TRDN: variants seen among roughly 807,000 people sequenced by gnomAD.
The protein encoded by TRDN is triadin, also known as triadin in skeletal muscle.
In TRDN, 161 loss-of-function variants were observed where a neutral mutation model predicts 149.7. The ratio of observed to expected loss-of-function variants is 1.08; its 90% CI spans 0.95 to 1.23. The LOEUF (loss-of-function observed/expected upper bound fraction) is 1.23. Ranked by LOEUF, TRDN falls within the 50% of genes most tolerant of loss-of-function variation. The probability of loss-of-function intolerance (pLI) is 0.00; values close to 1 mark genes in which losing one functional copy is unlikely to be tolerated. For missense variants in TRDN, 896 were observed against 823.5 expected, an observed-to-expected ratio of 1.09 and a Z score of -1.08; for synonymous variants, 294 against 250.5, an observed-to-expected ratio of 1.17 and a Z score of -1.64.
rs528882157 is a variant in TRDN, at chr6:123,404,545, T to G, written c.1052-10868A>C. Among the ~76,000 whole-genome samples, 73 of 152,272 alleles carry G rather than the reference T, an allele frequency of 4.8e-4. 1 individual carries two copies. Among genetic ancestry groups the G allele is most frequent in the African/African-American group, 1.7e-3 (71 of 41,558 alleles). On this transcript the variant is annotated intron_variant, in intron 12 of 40. Transcript: ENST00000334268. ...GTAACTGCAACCTCCACTTCCCAAG[T>G]ACAAGTAATTCTTCTGCCTCAGCCT... is the stretch of plus-strand genomic sequence containing the variant.
intron 19 of TRDN, among the ~76,000 whole-genome samples, chr6:123,370,493 A>C (rs1781283887): frequency 6.6e-6 from 1 of 152,150 alleles, no homozygotes. Context: ...TTCTCCTGCC[A>C]GTGGACACTA....
chr6:123,293,750 C>T (rs1177295605), intron 24 of TRDN, among the ~76,000 whole-genome samples: 1 of 152,082 alleles, frequency 6.6e-6, no homozygotes, highest in Non-Finnish European at 1.5e-5. Context: ...ACACTGTAAC[C>T]TTTAGGAACT....
intron 12 of TRDN, chr6:123,437,297 A>G (rs9320935): frequency 0.1 from 27,354 of 269,900 alleles, 2,342 homozygotes; most frequent in African/African-American, 0.28. Flanking sequence ...AGCAGCTCCT[A>G]ATCTCCCTTT....
At chr6:123,356,518 T>TATATATATACATATATATATAC (rs1291888685) in intron 20 of TRDN, among the ~76,000 whole-genome samples, 26 of 17,700 alleles carry the variant, frequency 1.5e-3, no homozygotes, top group African/African-American at 4.5e-3. Flanking sequence ...TATATATATA[T>TATATATATACATATATATATAC]ATATATATAT....
chr6:123,427,283 T>G (rs1207924286), intron 12 of TRDN, among the ~76,000 whole-genome samples: 2 of 151,656 alleles, frequency 1.3e-5, no homozygotes, highest in African/African-American at 4.8e-5. Flanking sequence ...GCCTTTTGTT[T>G]TTTTTTTTTA....
intron 24 of TRDN, among the ~76,000 whole-genome samples, chr6:123,297,686 T>A (rs1478840861): frequency 6.6e-6 from 1 of 151,996 alleles, no homozygotes; most frequent in African/African-American, 2.4e-5. Context: ...TGAAATGTAG[T>A]GCTAGGTATA....
At chr6:123,375,675 C>G in intron 18 of TRDN, 44 bp from the exon 19 acceptor site, 2 of 1,379,200 alleles carry the variant, frequency 1.5e-6, no homozygotes, top group Non-Finnish European at 2.0e-6. Context: ...AATTACAAAT[C>G]TGCTTATCTC....
chr6:123,384,740 G>T (rs539910698), intron 14 of TRDN, among the ~76,000 whole-genome samples: 2 of 152,130 alleles, frequency 1.3e-5, no homozygotes, highest in Non-Finnish European at 2.9e-5. Context: ...AAAATGTCAT[G>T]ATAAAGTTAT....
Position 123,377,881 on chromosome 6 carries a change from T to G in TRDN, c.1204A>C (p.Lys402Gln). 1 of 1,528,208 alleles carries G rather than the reference T, an allele frequency of 6.5e-7. No homozygotes were observed. The highest frequency in any genetic ancestry group is 8.9e-7 in the Non-Finnish European group (1 of 1,122,348). 94.7% of individuals were successfully genotyped at this position (1,528,208 alleles called of 1,614,324 possible). The change falls in exon 17 of 41, where the codon AAA becomes CAA. Residue 402 changes from lysine (K) to glutamine (Q), a missense_variant. Physicochemically the swap from Lys to Gln is moderately conservative, Grantham distance 53. Transcript: ENST00000334268. ...AAACAGTTACCTGGTTCCACATGTT[T>G]TTCTTTCTTTTCCTGTTCTGAAACA... Reference protein sequence around the residue: ...PKGKKQEKKEKHVEPAKSPKK... With the variant: ...PKGKKQEKKEQHVEPAKSPKK...
At chr6:123,578,778 G>T (rs566727262) in intron 1 of TRDN, among the ~76,000 whole-genome samples, 1 of 151,970 alleles carries the variant, frequency 6.6e-6, no homozygotes, top group African/African-American at 2.4e-5. Context: ...ATTTTTATCC[G>T]TGAGCATGGG....
In TRDN at chr6:123,263,407, A is replaced by G. The variant is rs73549399; in HGVS notation, c.1804+1911T>C. 4.3e-3 allele frequency among the ~76,000 whole-genome samples: 651 copies of G among 152,222 alleles called. 4 individuals are homozygous for G. Among genetic ancestry groups the G allele is most frequent in the African/African-American group, 0.015 (607 of 41,562 alleles). On this transcript the variant is annotated intron_variant, in intron 33 of 40. Transcript: ENST00000334268. ...AGGAATGAAGCCACCTGCGTAACGT[A>G]AAAGTATAAGATGAAGCATCAAATG...
At chr6:123,463,097 G>C (rs1776555127) in intron 10 of TRDN, 1 of 152,134 alleles carries the variant, frequency 6.6e-6, no homozygotes, top group Non-Finnish European at 1.5e-5. Context: ...CAGCACTTTG[G>C]GAGGCCAAGG....
chr6:123,311,927 A>T (rs1235776490), intron 24 of TRDN, among the ~76,000 whole-genome samples: 1 of 152,030 alleles, frequency 6.6e-6, no homozygotes, highest in Non-Finnish European at 1.5e-5. Context: ...GGATTTCAAC[A>T]TTCAGGTCTT....
Position 123,224,114 on chromosome 6 carries a change from G to T in TRDN, c.1993C>A (p.Pro665Thr), listed in dbSNP as rs1184761316. The change falls in exon 39 of 41, where the codon CCA (proline) becomes ACA (threonine). Residue 665 changes from proline to threonine, a missense_variant. Transcript: ENST00000334268. ...TCACCTTTAGCTTTCTTTGAAGCTGGTACATCTTCAACATCTTCTAGAGTA... is the reference window on the plus strand; with the variant it reads ...TCACCTTTAGCTTTCTTTGAAGCTGTTACATCTTCAACATCTTCTAGAGTA... ...ARVSKDVEDV[P>T]ASKKAKEGTE... 6.2e-7 allele frequency: 1 copy of T among 1,610,192 alleles called. No homozygotes were observed. The highest frequency in any genetic ancestry group is 1.7e-5 in the Admixed American group (1 of 59,760).
chr6:123,265,390 T>G, intron 32 of TRDN, 52 bp from the exon 33 acceptor site: 1 of 1,220,326 alleles, frequency 8.2e-7, no homozygotes, highest in East Asian at 2.8e-5. Flanking sequence ...TTTCTATCTA[T>G]GGGTGACATA....
At chr6:123,416,139 C>G (rs1208061531) in intron 12 of TRDN, among the ~76,000 whole-genome samples, 1 of 152,172 alleles carries the variant, frequency 6.6e-6, no homozygotes, top group Non-Finnish European at 1.5e-5. Flanking sequence ...CAAGAGGCAA[C>G]TAAACAAATT....
intron 9 of TRDN, among the ~76,000 whole-genome samples, chr6:123,475,935 A>C (rs1007720730): frequency 6.8e-6 from 1 of 148,004 alleles, no homozygotes; most frequent in African/African-American, 2.5e-5. Context: ...ATCTATGACA[A>C]ACCCACAGCC....
At chr6:123,602,755 A>G (rs1172200532) in intron 1 of TRDN, among the ~76,000 whole-genome samples, 2 of 152,034 alleles carry the variant, frequency 1.3e-5, no homozygotes, top group Non-Finnish European at 2.9e-5. Flanking sequence ...CCCTGCACTT[A>G]TGGTGGAAAG....
At chr6:123,328,842 T>C (rs529530766) in intron 23 of TRDN, among the ~76,000 whole-genome samples, 248 of 152,314 alleles carry the variant, frequency 1.6e-3, no homozygotes, top group Non-Finnish European at 1.5e-3. Flanking sequence ...CAATGAACGT[T>C]ATTGCCTTAT....
Sources: gnomAD v4.1 joint callset for allele counts (sites outside exome capture counted in the v4.1 genomes callset) on GRCh38, gnomAD v4.1.1 for gene constraint, MANE v1.5 for transcripts, NCBI Gene and HGNC (gene_info 2026-07-23, HGNC 2026-07-21) for gene names.